Variants in PDE1C observed in about 807,000 individuals in gnomAD.
PDE1C encodes the protein phosphodiesterase 1C.
A neutral mutation model predicts 93.1 loss-of-function variants in PDE1C; 62 were observed. The ratio of observed to expected loss-of-function variants is 0.67; its 90% CI spans 0.54 to 0.82. The LOEUF is 0.82. Among genes scored for constraint, PDE1C ranks in the 40% least tolerant of loss-of-function variants. The pLI is 0.00. For synonymous variants in PDE1C, 325 were observed against 310.1 expected (o/e 1.05, Z -0.50); for missense variants, 742 against 884.6 (o/e 0.84, Z 2.04).
At chr7:31,778,615 A>G (rs1024611698) in intron 16 of PDE1C, among the ~76,000 whole-genome samples, 2 of 152,176 alleles carry the variant, frequency 1.3e-5, no homozygotes, top group Non-Finnish European at 1.5e-5. Context: ...TCTCTATTTT[A>G]GGTTGCAGAC....
In PDE1C at chr7:31,864,991, G is replaced by A. The variant is rs756223523; in HGVS notation, c.701C>T (p.Ala234Val). The A allele has an allele frequency of 3.1e-6, 5 of 1,613,952 alleles. No individual in the cohort carries two copies. The highest frequency in any genetic ancestry group is 3.4e-6 in the Non-Finnish European group (4 of 1,179,902). ...KNPYHNLMHA[A>V]DVTQTVHYLL... ...GTAATGCACTGTCTGTGTAACATCG[G>A]CAGCGTGCATTAAGTTATGGTAAGG... The change falls in exon 7 of 18, where the codon GCC becomes GTC. Residue 234 changes from alanine (A) to valine (V), a missense_variant. This residue lies in a region of PDE1C where 205 missense variants were observed against 295.3 expected (regional missense o/e 0.69). Coordinates refer to ENST00000396191, the MANE Select transcript of PDE1C (RefSeq NM_001191057.4).
intron 7 of PDE1C, among the ~76,000 whole-genome samples, chr7:31,852,824 T>A (rs1470710616): frequency 6.6e-6 from 1 of 151,722 alleles, no homozygotes; most frequent in Non-Finnish European, 1.5e-5. Flanking sequence ...ACATTTTTCT[T>A]GATATTATCC....
At chr7:31,726,037 C>A in the PDE1C span, among the ~76,000 whole-genome samples, 4 of 152,148 alleles carry the variant, frequency 2.6e-5, no homozygotes, top group African/African-American at 4.8e-5. Flanking sequence ...TTTGTTTTCA[C>A]GTGACTTTTA....
At chr7:31,994,633 A>C (rs1463520829) in intron 2 of PDE1C, among the ~76,000 whole-genome samples, 1 of 152,102 alleles carries the variant, frequency 6.6e-6, no homozygotes, top group Non-Finnish European at 1.5e-5. Flanking sequence ...ATTGCAAGGA[A>C]CCTAATTACT....
chr7:31,875,721 C>G (rs1341249513), intron 5 of PDE1C, among the ~76,000 whole-genome samples: 1 of 145,066 alleles, frequency 6.9e-6, no homozygotes, highest in African/African-American at 2.6e-5. Flanking sequence ...TAAAGAAGAG[C>G]ACACAGCTAC....
intron 2 of PDE1C, among the ~76,000 whole-genome samples, chr7:31,938,263 A>G (rs1237346857): frequency 1.3e-5 from 2 of 151,924 alleles, no homozygotes; most frequent in African/African-American, 4.8e-5. Context: ...CTAGGAAAAA[A>G]TTAACAGGCA....
intron 1 of PDE1C, among the ~76,000 whole-genome samples, chr7:32,357,778 C>G (rs1353297496): frequency 2.0e-5 from 3 of 152,132 alleles, no homozygotes; most frequent in Non-Finnish European, 2.9e-5. Flanking sequence ...ATCACTGGAG[C>G]CTGCAACCTA....
At chr7:31,696,999 T>A in the PDE1C span, 1 of 1,614,120 alleles carries the variant, frequency 6.2e-7, no homozygotes, top group Non-Finnish European at 8.5e-7. Context: ...AAAGATACGA[T>A]GTTCAAGAGA....
chr7:31,774,621 A>G (rs1562769846), intron 17 of PDE1C, among the ~76,000 whole-genome samples: 1 of 152,234 alleles, frequency 6.6e-6, no homozygotes, highest in East Asian at 1.9e-4. Flanking sequence ...ATAAATGCTA[A>G]ATTATCAATA....
chr7:31,828,379 A>G lies in PDE1C; in HGVS notation c.1204-6T>C. 1 of 1,610,718 alleles carries G rather than the reference A, an allele frequency of 6.2e-7. No homozygotes were observed. The highest frequency in any genetic ancestry group is 1.7e-4 in the Middle Eastern group (1 of 6,042). ...AGCTCTGCTTCTCTGTCACCCTGGA[A>G]AAATAAAAGGTCATAGTAAATTAAG... On this transcript the variant is annotated splice_polypyrimidine_tract_variant and splice_region_variant and intron_variant, in intron 11 of 17. Coordinates refer to ENST00000396191, the MANE Select transcript of PDE1C (RefSeq NM_001191057.4).
chr7:31,939,186 G>T (rs1004555930), intron 2 of PDE1C, among the ~76,000 whole-genome samples: 1 of 152,106 alleles, frequency 6.6e-6, no homozygotes, highest in Admixed American at 6.6e-5. Flanking sequence ...TCATGTAGAA[G>T]AATCTCTCTG....
chr7:32,151,419 T>C (rs1429763829), intron 3 of PDE1C, among the ~76,000 whole-genome samples: 4 of 152,228 alleles, frequency 2.6e-5, no homozygotes, highest in African/African-American at 7.2e-5. Context: ...CCAACTCCAT[T>C]CTGTGAATCT....
chr7:32,305,940 T>A (rs1441280889), intron 1 of PDE1C, among the ~76,000 whole-genome samples: 2 of 152,236 alleles, frequency 1.3e-5, no homozygotes, highest in East Asian at 1.9e-4. Context: ...TCATCTTGAA[T>A]TGTAGCTCCT....
intron 17 of PDE1C, among the ~76,000 whole-genome samples, chr7:31,772,404 C>G (rs741001): frequency 0.44 from 66,766 of 151,796 alleles, 15,085 homozygotes; most frequent in African/African-American, 0.49. Context: ...GTGTCCCCTG[C>G]AGCACTTTTA....
the PDE1C span, among the ~76,000 whole-genome samples, chr7:31,624,856 T>A: frequency 1.3e-5 from 2 of 151,710 alleles, no homozygotes; most frequent in African/African-American, 2.4e-5. Context: ...TGGGAAAAAA[T>A]TTTCGCAACC....
chr7:31,836,213 A>T (rs1791079667), intron 11 of PDE1C, among the ~76,000 whole-genome samples: 1 of 152,212 alleles, frequency 6.6e-6, no homozygotes, highest in Non-Finnish European at 1.5e-5. Flanking sequence ...TAAGGTTAGC[A>T]CATGTGCCTG....
chr7:31,761,262 A>G (rs1487148227), intron 17 of PDE1C, among the ~76,000 whole-genome samples: 1 of 152,164 alleles, frequency 6.6e-6, no homozygotes, highest in Non-Finnish European at 1.5e-5. Context: ...ACCAATAATA[A>G]AAGAGTCAAG....
chr7:31,730,640 T>C, the PDE1C span, among the ~76,000 whole-genome samples: 1 of 152,234 alleles, frequency 6.6e-6, no homozygotes. Flanking sequence ...CTGTGCCAAG[T>C]ACTTTATTAG....
intron 2 of PDE1C, among the ~76,000 whole-genome samples, chr7:31,931,651 T>C (rs1804291279): frequency 2.6e-5 from 4 of 152,150 alleles, no homozygotes; most frequent in African/African-American, 9.7e-5. Flanking sequence ...ATCGTGAAAA[T>C]GGCCATACTG....
Sources: gnomAD v4.1 joint callset for allele counts (sites outside exome capture counted in the v4.1 genomes callset) on GRCh38, gnomAD v4.1.1 for gene constraint, gnomAD v4.1.1 regional missense constraint, MANE v1.5 for transcripts, NCBI Gene and HGNC (gene_info 2026-07-23, HGNC 2026-07-21) for gene names.